The following URGCP variants were observed in gnomAD, a reference collection of about 807,000 sequenced individuals.
The protein encoded by URGCP is up-regulator of cell proliferation.
In URGCP, 13 loss-of-function variants were observed where a neutral mutation model predicts 24.6. The observed-to-expected ratio is 0.53, with a 90% CI of 0.34 to 0.84. URGCP has a LOEUF of 0.84. URGCP is among the 40% of genes least tolerant of loss of function. The probability of loss-of-function intolerance (pLI) is 0.01; values close to 1 mark genes in which losing one functional copy is unlikely to be tolerated. For synonymous variants in URGCP, 444 were observed against 487.2 expected, an observed-to-expected ratio of 0.91 and a Z score of 1.17; for missense variants, 899 against 1,194.3, an observed-to-expected ratio of 0.75 and a Z score of 3.64.
At chr7:43,919,694 G>A in intron 1 of URGCP, 1 of 1,378,336 alleles carries the variant, frequency 7.3e-7, no homozygotes, top group South Asian at 1.2e-5. Flanking sequence ...ACCCCACCCA[G>A]GTCCACAAGA....
chr7:43,919,860 T>TA, intron 1 of URGCP: 2 of 1,294,548 alleles, frequency 1.5e-6, no homozygotes, highest in Non-Finnish European at 2.2e-6. Flanking sequence ...CTCCTCACTC[T>TA]TCTAGAGAAC....
chr7:43,878,882 G>A lies in URGCP; in HGVS notation c.581C>T (p.Ser194Leu). 1 of 1,614,242 alleles carries A rather than the reference G, an allele frequency of 6.2e-7. No individual in the cohort carries two copies. Among genetic ancestry groups the A allele is most frequent in the South Asian group, 1.1e-5 (1 of 91,090 alleles). Residue 194 changes from serine (S) to leucine (L), a missense_variant, in exon 6 of 6, where the codon TCA becomes TTA. Physicochemically the swap from Ser to Leu is moderately radical, Grantham distance 145. Coordinates refer to ENST00000453200, the MANE Select transcript of URGCP (RefSeq NM_001077663.3). The surrounding 1 kb of genome is among the most constrained non-coding windows in gnomAD (Gnocchi z 5.6). The stretch of plus-strand genomic sequence containing the variant: ...TATTTCTTGTTGCAGGAAACTGTCT[G>A]AGGAGAGCAGCAGGGCACAGAGAAG... ...LDLLCALLLS[S>L]DSFLQQEIAL...
At chr7:43,882,996 T>A (rs996069646) in intron 3 of URGCP, among the ~76,000 whole-genome samples, 4 of 152,116 alleles carry the variant, frequency 2.6e-5, no homozygotes, top group African/African-American at 9.7e-5. Flanking sequence ...AGAGCACAAA[T>A]ACACAGAGGT....
chr7:43,878,353 G>T lies in URGCP; in HGVS notation c.1110C>A (p.Tyr370Ter). 6.2e-7 allele frequency: 1 copy of T among 1,614,176 alleles called. No homozygotes were observed. Among genetic ancestry groups the T allele is most frequent in the Non-Finnish European group, 8.5e-7 (1 of 1,180,038 alleles). The change falls in exon 6 of 6, where the codon TAC (tyrosine) becomes TAA (stop). Residue 370 changes from tyrosine (Y) to a stop codon, truncating the protein, a stop_gained. Coordinates refer to ENST00000453200, the MANE Select transcript of URGCP (RefSeq NM_001077663.3). LOFTEE classifies it low-confidence loss of function (END_TRUNC). The surrounding 1 kb of genome is among the most constrained non-coding windows in gnomAD (Gnocchi z 5.6). ...ACTCCTTCATGGAGTACAGCAATTT[G>T]TATTCCTTCTTACTGATATTGTCAG... ...ILTDNISKKE[Y>*]KLLYSMKEST... is the part of the protein sequence containing the mutation.
intron 1 of URGCP, among the ~76,000 whole-genome samples, chr7:43,890,213 C>CT (rs543947365): frequency 0.12 from 13,196 of 108,744 alleles, 1,459 homozygotes; most frequent in African/African-American, 0.27. Context: ...CCACTGGAAA[C>CT]TTTTTTTTTT....
chr7:43,918,797 G>C, intron 1 of URGCP: 1 of 1,065,492 alleles, frequency 9.4e-7, no homozygotes, highest in East Asian at 2.4e-5. Context: ...TCAGCCCCAA[G>C]GGCACCATGG....
intron 1 of URGCP, among the ~76,000 whole-genome samples, chr7:43,925,229 G>A (rs372902148): frequency 5.9e-5 from 9 of 152,174 alleles, no homozygotes; most frequent in African/African-American, 2.2e-4. Flanking sequence ...GAAAGCCAGG[G>A]ACAAAGCTGG....
chr7:43,891,170 A>G (rs1006779996), intron 1 of URGCP, among the ~76,000 whole-genome samples: 3 of 152,192 alleles, frequency 2.0e-5, no homozygotes, highest in Non-Finnish European at 4.4e-5. Flanking sequence ...CCATGCCTAG[A>G]ATAGATAGGG....
chr7:43,881,904 T>C lies in URGCP; in HGVS notation c.163+3A>G. Reference sequence around the variant, plus strand: ...ATCTGTTGCCAAATCCTGTAGTTTCTACCTCCATAACGGAACTCGCAATCA... The same window carrying C: ...ATCTGTTGCCAAATCCTGTAGTTTCCACCTCCATAACGGAACTCGCAATCA... On this transcript the variant is annotated splice_donor_region_variant and intron_variant, in intron 4 of 5. Transcript: ENST00000453200. The C allele has an allele frequency of 6.2e-7, 1 of 1,614,054 alleles. No homozygotes were observed. The highest frequency in any genetic ancestry group is 8.5e-7 in the Non-Finnish European group (1 of 1,179,898).
chr7:43,899,179 ATATT>A (rs1284532606), intron 1 of URGCP, among the ~76,000 whole-genome samples: 1 of 147,626 alleles, frequency 6.8e-6, no homozygotes, highest in Non-Finnish European at 1.5e-5. Context: ...ATATAAATAT[ATATT>A]TATAATATAT....
chr7:43,926,613 G>A (rs545555433), upstream of URGCP: 163 of 1,513,114 alleles, frequency 1.1e-4, no homozygotes, highest in Non-Finnish European at 8.4e-5. Flanking sequence ...AGGTGTGGGC[G>A]GGGCGCCGCT....
chr7:43,878,257 A>C lies in URGCP; in HGVS notation c.1206T>G (p.Asn402Lys), dbSNP rs1346913851. 6.2e-7 allele frequency: 1 copy of C among 1,614,236 alleles called. No individual in the cohort carries two copies. Among genetic ancestry groups the C allele is most frequent in the Non-Finnish European group, 8.5e-7 (1 of 1,180,044 alleles). Residue 402 changes from asparagine (N) to lysine (K), a missense_variant, in exon 6 of 6, where the codon AAT (asparagine) becomes AAG (lysine). Coordinates refer to ENST00000453200, the MANE Select transcript of URGCP (RefSeq NM_001077663.3). The surrounding 1 kb of genome is among the most constrained non-coding windows in gnomAD (Gnocchi z 5.6). ...CTATTTTCAGCACAGGAATTAACTT[A>C]TTCAGAAATCTCAGGTTTGTGTTGC... ...GKRNTNLRFL[N>K]KLIPVLKIDH...
At chr7:43,912,219 C>T (rs970713773) in intron 1 of URGCP, among the ~76,000 whole-genome samples, 12 of 152,092 alleles carry the variant, frequency 7.9e-5, no homozygotes, top group East Asian at 1.9e-4. Context: ...TAATATGGGC[C>T]GGGCGTGGTT....
chr7:43,899,734 G>GA (rs1168569032), intron 1 of URGCP, among the ~76,000 whole-genome samples: 1 of 151,792 alleles, frequency 6.6e-6, no homozygotes, highest in African/African-American at 2.4e-5. Flanking sequence ...CAAAAACCTG[G>GA]AAAAAAAATT....
In URGCP at chr7:43,878,445, C is replaced by T; in HGVS notation, c.1018G>A (p.Asp340Asn). ...EPVAFLNLRGDIGSHWLQFKL... is the reference protein window; with the variant it reads ...EPVAFLNLRGNIGSHWLQFKL... ...AACTGCAGCCAGTGAGACCCGATGT[C>T]ACCTCTCAGGTTCAGAAAGGCCACA... is the stretch of plus-strand genomic sequence containing the variant. Residue 340 changes from aspartate to asparagine, a missense_variant, in exon 6 of 6, where the codon GAC becomes AAC. By Grantham distance (23) the Asp-to-Asn change is conservative. Coordinates refer to ENST00000453200, the MANE Select transcript of URGCP (RefSeq NM_001077663.3). This position sits in a 1 kb window ranked among gnomAD's most constrained non-coding sequence, Gnocchi z 5.6. 1.9e-6 allele frequency: 3 copies of T among 1,614,178 alleles called. No homozygotes were observed. The South Asian group carries it at 3.3e-5, about 18-fold the overall frequency.
chr7:43,906,523 G>A (rs1000878304), intron 1 of URGCP, 39 bp downstream of exon 1: 47 of 1,202,276 alleles, frequency 3.9e-5, no homozygotes, highest in Non-Finnish European at 4.1e-5. Context: ...GTTCCTGCCG[G>A]CAGCCGCGGG....
rs528472916 is a variant in URGCP, at chr7:43,900,007, T to C, written c.14+6555A>G. Among the ~76,000 whole-genome samples the C allele has an allele frequency of 3.9e-5, 6 of 151,986 alleles. No homozygotes were observed. In the South Asian group the frequency reaches 1.0e-3, roughly 26 times the overall value. On this transcript the variant is annotated intron_variant, in intron 1 of 5. Transcript: ENST00000453200. Reference sequence around the variant, plus strand: ...TCTTAAAATCCACAATAGCCAGGTGTGGTGGCATGCGCCTGTAGTCCCAGC... The same window carrying C: ...TCTTAAAATCCACAATAGCCAGGTGCGGTGGCATGCGCCTGTAGTCCCAGC...
intron 1 of URGCP, among the ~76,000 whole-genome samples, chr7:43,914,430 G>A (rs955010025): frequency 6.6e-6 from 1 of 152,270 alleles, no homozygotes. Flanking sequence ...TCTTGAGCCT[G>A]GGAGATGGAG....
intron 1 of URGCP, among the ~76,000 whole-genome samples, chr7:43,925,137 G>T (rs1325126168): frequency 6.6e-6 from 1 of 152,156 alleles, no homozygotes; most frequent in African/African-American, 2.4e-5. Context: ...AAGAGTTCTG[G>T]GTAAGGATGC....
Sources: allele counts gnomAD v4.1 joint callset (sites outside exome capture counted in the v4.1 genomes callset), GRCh38; gene constraint gnomAD v4.1.1; non-coding constraint Gnocchi (gnomAD v3.1); transcripts MANE v1.5; gene names NCBI Gene and HGNC (gene_info 2026-07-23, HGNC 2026-07-21).